The following XKR9 variants were observed in gnomAD, a reference collection of about 807,000 sequenced individuals.
XKR9 encodes XK related 9.
In XKR9, 32 loss-of-function variants were observed where a neutral mutation model predicts 32.0. The observed-to-expected ratio is 1.00, with a 90% CI of 0.76 to 1.34. The LOEUF (loss-of-function observed/expected upper bound fraction) is 1.34, where lower values mean the gene tolerates loss of function less well. Ranked by LOEUF, XKR9 falls within the 40% of genes most tolerant of loss-of-function variation. XKR9 has a pLI of 0.00. For synonymous variants in XKR9, 168 were observed against 143.4 expected (o/e 1.17, Z -1.22); for missense variants, 546 against 429.7 (o/e 1.27, Z -2.39).
chr8:70,848,174 A>C, the XKR9 span, among the ~76,000 whole-genome samples: 1 of 152,162 alleles, frequency 6.6e-6, no homozygotes, highest in African/African-American at 2.4e-5. Context: ...TATGCAAATC[A>C]ATAGATGTGA....
At chr8:70,942,806 A>T in the XKR9 span, among the ~76,000 whole-genome samples, 4 of 152,124 alleles carry the variant, frequency 2.6e-5, no homozygotes, top group South Asian at 6.2e-4. Flanking sequence ...GCACAAAATA[A>T]GCTCTTAATT....
At chr8:70,849,463 G>A in the XKR9 span, among the ~76,000 whole-genome samples, 2 of 152,286 alleles carry the variant, frequency 1.3e-5, no homozygotes, top group Admixed American at 6.5e-5. Flanking sequence ...CACAGCTATC[G>A]CAGTGTTTAG....
At chr8:71,009,698 A>G in the XKR9 span, among the ~76,000 whole-genome samples, 4 of 152,202 alleles carry the variant, frequency 2.6e-5, no homozygotes, top group Non-Finnish European at 5.9e-5. Flanking sequence ...TTTCACTCTC[A>G]TGGTGACTCT....
the XKR9 span, among the ~76,000 whole-genome samples, chr8:70,947,623 C>A: frequency 6.6e-6 from 1 of 152,176 alleles, no homozygotes; most frequent in Admixed American, 6.5e-5. Flanking sequence ...CATATTCCAA[C>A]AAAATGGCAC....
the XKR9 span, among the ~76,000 whole-genome samples, chr8:70,799,599 T>C: frequency 6.6e-6 from 1 of 152,204 alleles, no homozygotes; most frequent in Non-Finnish European, 1.5e-5. Context: ...CCCAAAGTGC[T>C]GGAATTACAG....
the XKR9 span, among the ~76,000 whole-genome samples, chr8:70,961,797 T>G: frequency 8.5e-5 from 13 of 152,218 alleles, no homozygotes; most frequent in Admixed American, 3.3e-4. Flanking sequence ...GGATTTTTTT[T>G]CCTCTAATGT....
At chr8:70,934,871 T>C in the XKR9 span, among the ~76,000 whole-genome samples, 9 of 151,948 alleles carry the variant, frequency 5.9e-5, no homozygotes, top group African/African-American at 2.2e-4. Flanking sequence ...ATGACAAGAA[T>C]AGATATTTAC....
chr8:70,716,332 G>A (rs1359860270), intron 4 of XKR9, among the ~76,000 whole-genome samples: 3 of 152,068 alleles, frequency 2.0e-5, no homozygotes, highest in Non-Finnish European at 1.5e-5. Context: ...GTTATAATAA[G>A]GTGTATTAGT....
the XKR9 span, among the ~76,000 whole-genome samples, chr8:71,002,532 G>A: frequency 6.6e-6 from 1 of 151,812 alleles, no homozygotes; most frequent in Non-Finnish European, 1.5e-5. Context: ...AAAATAAAGG[G>A]CAAAACACAT....
At chr8:70,865,531 A>T in the XKR9 span, among the ~76,000 whole-genome samples, 1 of 151,326 alleles carries the variant, frequency 6.6e-6, no homozygotes, top group African/African-American at 2.4e-5. Context: ...CAATTTTTTT[A>T]AAGTTTTGTT....
the XKR9 span, among the ~76,000 whole-genome samples, chr8:70,847,967 CA>C: frequency 2.0e-5 from 3 of 151,998 alleles, no homozygotes; most frequent in African/African-American, 7.2e-5. Context: ...ACTTATTCTA[CA>C]AGGCCAACAC....
At chr8:70,722,662 T>A (rs1806321578) in intron 4 of XKR9, among the ~76,000 whole-genome samples, 1 of 152,156 alleles carries the variant, frequency 6.6e-6, no homozygotes, top group South Asian at 2.1e-4. Context: ...TGCAGAGAGA[T>A]CTGTTGTTAG....
the XKR9 span, among the ~76,000 whole-genome samples, chr8:71,000,377 A>G: frequency 5.3e-5 from 8 of 152,224 alleles, no homozygotes; most frequent in Admixed American, 2.0e-4. Flanking sequence ...GCTTAGACAA[A>G]TAGGAGCCAC....
the XKR9 span, among the ~76,000 whole-genome samples, chr8:71,063,859 A>G: frequency 6.6e-6 from 1 of 152,216 alleles, no homozygotes; most frequent in Admixed American, 6.5e-5. Flanking sequence ...AAATAGACAT[A>G]GTTAGGGTTG....
At chr8:71,019,842 ACT>A in the XKR9 span, among the ~76,000 whole-genome samples, 1 of 151,788 alleles carries the variant, frequency 6.6e-6, no homozygotes, top group Non-Finnish European at 1.5e-5. Context: ...CACATATAAA[ACT>A]CTGTTCTGAG....
At chr8:70,711,756 A>G (rs1805927381) in intron 4 of XKR9, among the ~76,000 whole-genome samples, 1 of 81,554 alleles carries the variant, frequency 1.2e-5, no homozygotes, top group South Asian at 3.4e-4. Context: ...AAAAACCTGC[A>G]CACGTACCCC....
At chr8:70,702,396 C>T (rs1263836849) in intron 3 of XKR9, among the ~76,000 whole-genome samples, 1 of 152,082 alleles carries the variant, frequency 6.6e-6, no homozygotes, top group Non-Finnish European at 1.5e-5. Context: ...GAATTTTTAA[C>T]TTTCAGTTAT....
the XKR9 span, among the ~76,000 whole-genome samples, chr8:70,877,408 A>G: frequency 6.6e-6 from 1 of 152,176 alleles, no homozygotes; most frequent in African/African-American, 2.4e-5. Context: ...TAAGAGATGA[A>G]TATTTCCATC....
chr8:70,848,677 G>A, the XKR9 span, among the ~76,000 whole-genome samples: 1 of 149,914 alleles, frequency 6.7e-6, no homozygotes, highest in Non-Finnish European at 1.5e-5. Flanking sequence ...TCGGTGTGCT[G>A]TATTCAAAAG....
Sources: allele counts gnomAD v4.1 joint callset (sites outside exome capture counted in the v4.1 genomes callset), GRCh38; gene constraint gnomAD v4.1.1; transcripts MANE v1.5; gene names NCBI Gene and HGNC (gene_info 2026-07-23, HGNC 2026-07-21).